FCN1: variants seen among roughly 807,000 people sequenced by gnomAD.
FCN1 encodes the protein ficolin-1.
FCN1 carries 42 observed loss-of-function variants against 35.6 expected under a neutral mutation model. That is an observed-to-expected ratio of 1.18 (90% CI 0.92 to 1.53). The LOEUF (loss-of-function observed/expected upper bound fraction) is 1.53. FCN1 is among the 40% of genes most tolerant of loss of function. The pLI is 0.00. For missense variants in FCN1, 439 were observed against 428.4 expected (o/e 1.02, Z -0.22); for synonymous variants, 179 against 169.8 (o/e 1.05, Z -0.42).
chr9:134,913,249 C>G (rs150901523), intron 5 of FCN1, 106 bp from the exon 6 acceptor site: 13 of 1,459,436 alleles, frequency 8.9e-6, no homozygotes, highest in Non-Finnish European at 1.1e-5. Context: ...GGCTTCTGTG[C>G]GGACCGAGCA....
chr9:134,910,963 A>G (rs148558423), intron 8 of FCN1, among the ~76,000 whole-genome samples, 170 bp downstream of exon 8: 3 of 152,316 alleles, frequency 2.0e-5, no homozygotes, highest in African/African-American at 7.2e-5. Context: ...ACCAGCCGCT[A>G]TGTCCTGTGA....
Position 134,904,852 on chromosome 9 carries a change from T to A in FCN1, c.*4946A>T, listed in dbSNP as rs774193751. On this transcript the variant is annotated 3_prime_UTR_variant, in exon 9 of 9. Coordinates refer to ENST00000371806, the MANE Select transcript of FCN1 (RefSeq NM_002003.5). ...CAAGAAGATGATCTCACACCAAAAA[T>A]AATAATAATAATAAAATAGAAGAAG... Among the ~76,000 whole-genome samples, 2 of 151,706 alleles carry A rather than the reference T, an allele frequency of 1.3e-5. No homozygotes were observed. Among genetic ancestry groups the A allele is most frequent in the African/African-American group, 2.4e-5 (1 of 41,276 alleles).
chr9:134,910,039 G>A lies in FCN1; in HGVS notation c.740C>T (p.Ser247Phe), dbSNP rs1831003674. 6.2e-7 allele frequency: 1 copy of A among 1,613,728 alleles called. No individual in the cohort carries two copies. Among genetic ancestry groups the A allele is most frequent in the African/African-American group, 1.3e-5 (1 of 74,860 alleles). Residue 247 changes from serine (S) to phenylalanine (F), a missense_variant, in exon 9 of 9, where the codon TCT becomes TTT. Ser to Phe is a radical substitution (Grantham distance 155, BLOSUM62 -2). Coordinates refer to ENST00000371806, the MANE Select transcript of FCN1 (RefSeq NM_002003.5). ...GAFVGGSAGN[S>F]LTGHNNNFFS... ...GAAGTTGTTGTTGTGGCCCGTTAGA[G>A]AATTACCTGCTCACAGAAAATGTGG...
rs56094122 is a variant in FCN1, at chr9:134,909,943, C to T, written c.836G>A (p.Trp279Ter). The T allele has an allele frequency of 8.7e-5, 141 of 1,614,154 alleles. No individual in the cohort carries two copies. The African/African-American group carries it at 1.7e-3, about 19-fold the overall frequency. ...GTTTGAAGCATGACAGTCGGCGTAC[C>T]ACCAGGCTCCTTGGAACTTCTCAGC... ...NCAEKFQGAW[W>*]YADCHASNLN... Residue 279 changes from tryptophan (W) to a stop codon, truncating the protein, a stop_gained, in exon 9 of 9, where the codon TGG becomes TAG. Transcript: ENST00000371806. LOFTEE classifies it low-confidence loss of function (END_TRUNC).
At position 134,909,054 on chromosome 9, in the gene FCN1, C is replaced by G. The variant is rs1231377516; in HGVS notation, c.*744G>C. ...TGGAGAAGCCCCTTCTCCATCATCT[C>G]CTAGAAGCCTTGTGCAGCTTTTCCC... On this transcript the variant is annotated 3_prime_UTR_variant, in exon 9 of 9. Coordinates refer to ENST00000371806, the MANE Select transcript of FCN1 (RefSeq NM_002003.5). 5 of 429,822 alleles carry G rather than the reference C, an allele frequency of 1.2e-5. No individual in the cohort carries two copies. The allele number at this position is 429,822 out of a possible 1,614,324, so 26.6% of individuals were successfully genotyped here.
Position 134,911,138 on chromosome 9 carries a change from C to G in FCN1, c.728G>C (p.Ser243Thr). ...AGCCCCAAGCAGACACTCACCCGCACTGCCCCCGACAAAGGCTCCCAGTAC... is the reference window on the plus strand; with the variant it reads ...AGCCCCAAGCAGACACTCACCCGCAGTGCCCCCGACAAAGGCTCCCAGTAC... ...KLVLGAFVGG[S>T]AGNSLTGHNN... is the part of the protein sequence containing the mutation. The change falls in exon 8 of 9, where the codon AGT becomes ACT. Residue 243 changes from serine to threonine, a missense_variant. Coordinates refer to ENST00000371806, the MANE Select transcript of FCN1 (RefSeq NM_002003.5). 1 of 1,614,142 alleles carries G rather than the reference C, an allele frequency of 6.2e-7. No homozygotes were observed. The highest frequency in any genetic ancestry group is 2.2e-5 in the East Asian group (1 of 44,872).
In FCN1 at chr9:134,917,903, C is replaced by CAA. The variant is rs1336652493; in HGVS notation, c.-33_-32insTT. The CAA allele has an allele frequency of 2.7e-6, 4 of 1,468,390 alleles. No individual in the cohort carries two copies. The African/African-American group carries it at 5.6e-5, about 20-fold the overall frequency. The allele number at this position is 1,468,390 out of a possible 1,614,324, so 91.0% of individuals were successfully genotyped here. ...TGGCCTTTGACTCTGAAGAGTCCCC[C>CAA]AGCTCTAACAGGGCAGAGGAAACCA... On this transcript the variant is annotated 5_prime_UTR_variant, in exon 1 of 9. Coordinates refer to ENST00000371806, the MANE Select transcript of FCN1 (RefSeq NM_002003.5).
rs764381956 is a variant in FCN1 at position 134,907,818 on chromosome 9, T to C, written c.*1980A>G. The C allele has an allele frequency of 2.0e-5, 3 of 152,216 alleles. No individual in the cohort carries two copies. In the South Asian group the frequency reaches 6.2e-4, roughly 32 times the overall value. The allele number at this position is 152,216 out of a possible 1,614,324, so 9.4% of individuals were successfully genotyped here. A position where few individuals can be genotyped will look rare whatever the true frequency, so the allele number is the denominator to read the frequency against. On this transcript the variant is annotated 3_prime_UTR_variant, in exon 9 of 9. Coordinates refer to ENST00000371806, the MANE Select transcript of FCN1 (RefSeq NM_002003.5). ...TGTATGGCGTTCTACCCAATGGCTA[T>C]CCTTGCATTTTTTAACATCCATTCT...
In FCN1 at chr9:134,913,214, C is replaced by A. The variant is rs996666883; in HGVS notation, c.341-71G>T. On this transcript the variant is annotated intron_variant, in intron 5 of 8. Transcript: ENST00000371806. ...CAGGACAGGGGCAGTGGGAGGGAGG[C>A]CCAGGAGGGAGGAGGAGGGCCACAG... 18 of 1,589,288 alleles carry A rather than the reference C, an allele frequency of 1.1e-5. No individual in the cohort carries two copies. In the South Asian group the frequency reaches 1.8e-4, roughly 16 times the overall value.
In FCN1 at chr9:134,909,022, TG is replaced by T. The variant is rs917510480; in HGVS notation, c.*775del. On this transcript the variant is annotated 3_prime_UTR_variant, in exon 9 of 9. Transcript: ENST00000371806. Reference sequence around the variant, plus strand: ...CGTGGTTGAGAAATCTCCCCTGGCCTGGGAGCTGGAGAAGCCCCTTCTCCAT... The same window carrying T: ...CGTGGTTGAGAAATCTCCCCTGGCCTGGAGCTGGAGAAGCCCCTTCTCCAT... 1 of 361,592 alleles carries T rather than the reference TG, an allele frequency of 2.8e-6. No homozygotes were observed. Among genetic ancestry groups the T allele is most frequent in the African/African-American group, 2.1e-5 (1 of 46,782 alleles). The allele number at this position is 361,592 out of a possible 1,614,324, so 22.4% of individuals were successfully genotyped here.
chr9:134,916,343 C>T lies in FCN1; in HGVS notation c.217+5G>A, dbSNP rs1362607134. 1.2e-6 allele frequency: 2 copies of T among 1,611,110 alleles called. No homozygotes were observed. The highest frequency in any genetic ancestry group is 1.7e-6 in the Non-Finnish European group (2 of 1,177,458). On this transcript the variant is annotated splice_donor_5th_base_variant and intron_variant, in intron 2 of 8. Transcript: ENST00000371806. ...GCCTGGCCTCCCCACCCGGCCCGCA[C>T]CTACCTCTCTCTCCAATGACACCTG...
Position 134,905,068 on chromosome 9 carries a change from A to T in FCN1, c.*4730T>A, listed in dbSNP as rs911992119. Among the ~76,000 whole-genome samples the T allele has an allele frequency of 1.3e-5, 2 of 152,184 alleles. No homozygotes were observed. The highest frequency in any genetic ancestry group is 2.9e-5 in the Non-Finnish European group (2 of 68,032). On this transcript the variant is annotated 3_prime_UTR_variant, in exon 9 of 9. Coordinates refer to ENST00000371806, the MANE Select transcript of FCN1 (RefSeq NM_002003.5). ...AAAGTCTTCATTGGTAAAGTGGTAG[A>T]AGGAATAATTTATAGTATACCGTAA...
At chr9:134,912,690 G>A (rs1328180655) in intron 6 of FCN1, 75 bp from the exon 7 acceptor site, 2 of 1,596,636 alleles carry the variant, frequency 1.3e-6, no homozygotes, top group Non-Finnish European at 8.6e-7. Flanking sequence ...GCCCTCCAGA[G>A]GAGCAGCATT....
At chr9:134,915,569 G>C (rs1383230654) in intron 2 of FCN1, among the ~76,000 whole-genome samples, 1 of 152,132 alleles carries the variant, frequency 6.6e-6, no homozygotes, top group African/African-American at 2.4e-5. Flanking sequence ...CTGCGGAGTG[G>C]GCACAGAGGA....
chr9:134,905,426 A>T lies in FCN1; in HGVS notation c.*4372T>A, dbSNP rs1307974837. Reference sequence around the variant, plus strand: ...CACAAAAGCTCTCTCAGTTCTGCTGATGTGAGTTGGGGAGGAATTGGTGAT... The same window carrying T: ...CACAAAAGCTCTCTCAGTTCTGCTGTTGTGAGTTGGGGAGGAATTGGTGAT... On this transcript the variant is annotated 3_prime_UTR_variant, in exon 9 of 9. Coordinates refer to ENST00000371806, the MANE Select transcript of FCN1 (RefSeq NM_002003.5). Among the ~76,000 whole-genome samples the T allele has an allele frequency of 2.0e-5, 3 of 152,214 alleles. No individual in the cohort carries two copies. Among genetic ancestry groups the T allele is most frequent in the African/African-American group, 7.2e-5 (3 of 41,456 alleles).
chr9:134,913,765 G>A (rs1831057218), intron 4 of FCN1, 152 bp from the exon 5 acceptor site: 2 of 536,210 alleles, frequency 3.7e-6, no homozygotes, highest in East Asian at 3.1e-5. Context: ...AGGGAAGGAT[G>A]GCCAGACTCG....
rs1830940589 is a variant in FCN1, at chr9:134,905,822, T to TTCTTCTTCTTCTTCTTCTTCC, written c.*3975_*3976insGGAAGAAGAAGAAGAAGAAGA. On this transcript the variant is annotated 3_prime_UTR_variant, in exon 9 of 9. Transcript: ENST00000371806. ...CTTCTTCTTCTTCCTCTTCTTCTTC[T>TTCTTCTTCTTCTTCTTCTTCC]TCTTCCTCTTCCTCTTCCTCTTCCT... 2 of 37,980 alleles carry TTCTTCTTCTTCTTCTTCTTCC rather than the reference T, an allele frequency of 5.3e-5. 1 individual carries two copies. The highest frequency in any genetic ancestry group is 8.9e-5 in the Non-Finnish European group (2 of 22,542). 2.4% of individuals were successfully genotyped at this position (37,980 alleles called of 1,614,324 possible). A position where few individuals can be genotyped will look rare whatever the true frequency, so the allele number is the denominator to read the frequency against.
Position 134,906,530 on chromosome 9 carries a change from C to G in FCN1, c.*3268G>C, listed in dbSNP as rs530071157. 1.3e-5 allele frequency: 2 copies of G among 152,254 alleles called. No individual in the cohort carries two copies. Among genetic ancestry groups the G allele is most frequent in the African/African-American group, 4.8e-5 (2 of 41,544 alleles). The allele number at this position is 152,254 out of a possible 1,614,324, so 9.4% of individuals were successfully genotyped here. A position where few individuals can be genotyped will look rare whatever the true frequency, so the allele number is the denominator to read the frequency against. ...TTAGCACTAATTAATCTTTAAAAAT[C>G]TAATAATTTAACTTAAATCTTAAGA... On this transcript the variant is annotated 3_prime_UTR_variant, in exon 9 of 9. Transcript: ENST00000371806.
At position 134,911,031 on chromosome 9, in the gene FCN1, G is replaced by A; in HGVS notation, c.733+102C>T. ...GTCTGCTTCATAGATGGAGAAATGG[G>A]ATTCAGAGAGAGGAGGGCCCAAGGT... On this transcript the variant is annotated intron_variant, in intron 8 of 8. Coordinates refer to ENST00000371806, the MANE Select transcript of FCN1 (RefSeq NM_002003.5). 7 of 1,187,254 alleles carry A rather than the reference G, an allele frequency of 5.9e-6. 1 individual carries two copies. Among genetic ancestry groups the A allele is most frequent in the Non-Finnish European group, 8.6e-6 (7 of 814,810 alleles). The allele number at this position is 1,187,254 out of a possible 1,614,324, so 73.5% of individuals were successfully genotyped here.
Sources: gnomAD v4.1 joint callset for allele counts (sites outside exome capture counted in the v4.1 genomes callset) on GRCh38, gnomAD v4.1.1 for gene constraint, MANE v1.5 for transcripts, NCBI Gene and HGNC (gene_info 2026-07-23, HGNC 2026-07-21) for gene names.